FOXP1: variants seen among roughly 807,000 people sequenced by gnomAD.
FOXP1 encodes forkhead box protein P1.
FOXP1 carries 15 observed loss-of-function variants against 98.2 expected under a neutral mutation model. The observed-to-expected ratio is 0.15, with a 90% CI of 0.10 to 0.24. FOXP1 has a LOEUF of 0.24. Among genes scored for constraint, FOXP1 ranks in the 10% least tolerant of loss-of-function variants. The pLI, the probability that FOXP1 is intolerant of heterozygous loss-of-function variation, is 1.00. For missense variants in FOXP1, 633 were observed against 848.5 expected, an observed-to-expected ratio of 0.75 and a Z score of 3.15; for synonymous variants, 371 against 314.5, an observed-to-expected ratio of 1.18 and a Z score of -1.90.
chr3:71,059,480 A>C (rs565121008), intron 7 of FOXP1, among the ~76,000 whole-genome samples: 40 of 152,330 alleles, frequency 2.6e-4, no homozygotes, highest in African/African-American at 9.1e-4. Flanking sequence ...AAAAATGTAA[A>C]GTTTACATAA....
chr3:71,079,460 T>C (rs562568485), intron 7 of FOXP1, among the ~76,000 whole-genome samples: 29 of 152,330 alleles, frequency 1.9e-4, no homozygotes, highest in Admixed American at 7.8e-4. Context: ...ATCTTCATTC[T>C]TCATCTCAGC....
intron 11 of FOXP1, among the ~76,000 whole-genome samples, chr3:71,034,861 G>A (rs1388138444): frequency 2.0e-5 from 3 of 152,176 alleles, no homozygotes; most frequent in Admixed American, 2.0e-4. Flanking sequence ...GCTCACGTAA[G>A]AATGGCAAGT....
chr3:71,582,875 C>T (rs1459106986), intron 1 of FOXP1: 2 of 922,280 alleles, frequency 2.2e-6, no homozygotes, highest in Non-Finnish European at 2.6e-6. Flanking sequence ...CGCGTGGCAG[C>T]GGGGAAGTTC....
intron 17 of FOXP1, among the ~76,000 whole-genome samples, chr3:70,973,835 G>C (rs1159106689): frequency 7.8e-3 from 287 of 36,662 alleles, no homozygotes; most frequent in East Asian, 0.015. Context: ...TTTGCACACC[G>C]CCCCCCCCCC....
rs1389473608 is a variant in FOXP1 at position 71,012,737 on chromosome 3, CAAAA to C, written c.974+2808_974+2811del. On this transcript the variant is annotated intron_variant, in intron 12 of 20. Coordinates refer to ENST00000649528, the MANE Select transcript of FOXP1 (RefSeq NM_001349338.3). ...CTGTTCTAACAATATAAAGACCACACAAAACTGGAGACCTGCACATAAATCAGCT... is the reference window on the plus strand; with the variant it reads ...CTGTTCTAACAATATAAAGACCACACCTGGAGACCTGCACATAAATCAGCT... Among the ~76,000 whole-genome samples the C allele has an allele frequency of 6.0e-3, 909 of 152,182 alleles. 7 individuals carry two copies. The highest frequency in any genetic ancestry group is 0.019 in the African/African-American group (786 of 41,524).
intron 3 of FOXP1, among the ~76,000 whole-genome samples, chr3:71,486,397 G>A (rs763497874): frequency 6.6e-6 from 1 of 152,140 alleles, no homozygotes; most frequent in Non-Finnish European, 1.5e-5. Flanking sequence ...CAATCCATTG[G>A]ATGGTGCTAC....
chr3:70,976,754 T>C (rs1575795454), intron 17 of FOXP1, among the ~76,000 whole-genome samples, 187 bp downstream of exon 17: 1 of 152,034 alleles, frequency 6.6e-6, no homozygotes, highest in Non-Finnish European at 1.5e-5. Context: ...ATAATGGGAG[T>C]CTTCCATCAG....
intron 5 of FOXP1, among the ~76,000 whole-genome samples, chr3:71,295,190 G>A (rs553407229): frequency 6.6e-6 from 1 of 152,086 alleles, no homozygotes; most frequent in African/African-American, 2.4e-5. Context: ...ACTCAGTAAC[G>A]ACTGCTTCCA....
At chr3:71,345,710 T>C (rs2077294084) in intron 4 of FOXP1, among the ~76,000 whole-genome samples, 1 of 151,882 alleles carries the variant, frequency 6.6e-6, no homozygotes, top group African/African-American at 2.4e-5. Context: ...GTTTTGCTGT[T>C]GTATTTCCTT....
chr3:71,565,731 G>C (rs918215870), intron 2 of FOXP1, among the ~76,000 whole-genome samples: 1 of 152,202 alleles, frequency 6.6e-6, no homozygotes, highest in Non-Finnish European at 1.5e-5. Flanking sequence ...GGTTGAAGCA[G>C]ATGAATCTCA....
At chr3:71,315,882 C>T (rs1308940519) in intron 4 of FOXP1, among the ~76,000 whole-genome samples, 1 of 152,216 alleles carries the variant, frequency 6.6e-6, no homozygotes, top group African/African-American at 2.4e-5. Flanking sequence ...TTACTTTCTC[C>T]TATGAAGTCC....
intron 12 of FOXP1, among the ~76,000 whole-genome samples, chr3:71,008,074 T>C (rs1022327747): frequency 5.9e-5 from 9 of 152,194 alleles, no homozygotes; most frequent in Non-Finnish European, 8.8e-5. Flanking sequence ...CAAATGATAC[T>C]TTTAGTAGAC....
chr3:71,579,735 G>A (rs1007756044), intron 2 of FOXP1, among the ~76,000 whole-genome samples: 1 of 145,752 alleles, frequency 6.9e-6, no homozygotes, highest in African/African-American at 2.6e-5. Flanking sequence ...GTGAGAAAAC[G>A]TTATCTAACT....
At chr3:71,116,217 T>C (rs913025429) in intron 6 of FOXP1, among the ~76,000 whole-genome samples, 1 of 152,274 alleles carries the variant, frequency 6.6e-6, no homozygotes, top group South Asian at 2.1e-4. Context: ...AAAAAAGTCA[T>C]GTATAAGTTT....
chr3:71,436,324 G>C (rs1236189237), intron 3 of FOXP1, among the ~76,000 whole-genome samples: 1 of 152,060 alleles, frequency 6.6e-6, no homozygotes, highest in Non-Finnish European at 1.5e-5. Context: ...GATGCAGCCT[G>C]GTATAAGCCA....
chr3:71,102,823 G>A (rs1031561714), intron 7 of FOXP1, among the ~76,000 whole-genome samples: 1 of 152,124 alleles, frequency 6.6e-6, no homozygotes, highest in Non-Finnish European at 1.5e-5. Flanking sequence ...TGTAATGGAT[G>A]AAAGCATAGA....
chr3:71,463,121 G>C (rs2088309810), intron 3 of FOXP1, among the ~76,000 whole-genome samples: 1 of 152,078 alleles, frequency 6.6e-6, no homozygotes, highest in African/African-American at 2.4e-5. Flanking sequence ...CCAGCACTTT[G>C]GGAGGCTGAG....
chr3:70,997,483 C>T (rs1226886392), intron 13 of FOXP1, among the ~76,000 whole-genome samples: 1 of 152,140 alleles, frequency 6.6e-6, no homozygotes, highest in East Asian at 1.9e-4. Context: ...CAATCGAATC[C>T]TTGGTTAAGG....
At chr3:71,321,518 G>A (rs1408881821) in intron 4 of FOXP1, among the ~76,000 whole-genome samples, 1 of 152,220 alleles carries the variant, frequency 6.6e-6, no homozygotes, top group East Asian at 1.9e-4. Context: ...TTTCTCTGGG[G>A]TTCAGGTTTT....
Sources: gnomAD v4.1 joint callset for allele counts (sites outside exome capture counted in the v4.1 genomes callset) on GRCh38, gnomAD v4.1.1 for gene constraint, MANE v1.5 for transcripts, NCBI Gene and HGNC (gene_info 2026-07-23, HGNC 2026-07-21) for gene names.